Variants in GRIN2B observed in about 807,000 individuals in gnomAD.
GRIN2B encodes glutamate receptor ionotropic, NMDA 2B.
In GRIN2B, 5 loss-of-function variants were observed where a neutral mutation model predicts 114.5. That is an observed-to-expected ratio of 0.04 (90% CI 0.02 to 0.09). The LOEUF is 0.09. Ranked by LOEUF, GRIN2B falls within the 10% of genes least tolerant of loss-of-function variation. The pLI, the probability that GRIN2B is intolerant of heterozygous loss-of-function variation, is 1.00. For synonymous variants in GRIN2B, 787 were observed against 745.1 expected, an observed-to-expected ratio of 1.06 and a Z score of -0.92; for missense variants, 1,108 against 1,943.5, an observed-to-expected ratio of 0.57 and a Z score of 8.08.
chr12:13,944,588 C>A (rs947711580), intron 2 of GRIN2B, among the ~76,000 whole-genome samples: 1 of 152,180 alleles, frequency 6.6e-6, no homozygotes, highest in African/African-American at 2.4e-5. Flanking sequence ...TTTACATCTA[C>A]TTCCTCTAGT....
chr12:13,888,437 A>T (rs531429098), intron 2 of GRIN2B, among the ~76,000 whole-genome samples: 6 of 5,184 alleles, frequency 1.2e-3, no homozygotes, highest in African/African-American at 2.8e-3. Context: ...CATAAAAGAT[A>T]AAAAAAAAAA....
intron 3 of GRIN2B, among the ~76,000 whole-genome samples, chr12:13,798,815 A>G (rs144158440): frequency 1.8e-4 from 28 of 152,366 alleles, no homozygotes; most frequent in African/African-American, 3.4e-4. Context: ...TGGATCTTAG[A>G]ACATGTCCTC....
intron 3 of GRIN2B, among the ~76,000 whole-genome samples, chr12:13,782,108 T>C (rs1864125891): frequency 6.6e-6 from 1 of 152,212 alleles, no homozygotes; most frequent in Admixed American, 6.5e-5. Context: ...CTAGTGAGGT[T>C]GAACGTAAAA....
chr12:13,796,201 TAGA>T (rs1864416639), intron 3 of GRIN2B, among the ~76,000 whole-genome samples: 1 of 152,052 alleles, frequency 6.6e-6, no homozygotes, highest in Non-Finnish European at 1.5e-5. Context: ...AACGAAAATG[TAGA>T]AGGTTTTTGG....
At chr12:13,972,264 T>C (rs1862936034) in intron 2 of GRIN2B, among the ~76,000 whole-genome samples, 1 of 152,228 alleles carries the variant, frequency 6.6e-6, no homozygotes, top group African/African-American at 2.4e-5. Context: ...TTAAGCTCTG[T>C]GGATGATTTT....
intron 3 of GRIN2B, among the ~76,000 whole-genome samples, chr12:13,779,540 T>C (rs1864068660): frequency 6.6e-6 from 1 of 152,226 alleles, no homozygotes. Flanking sequence ...ATTTTAATAA[T>C]ACATTTCACT....
At chr12:13,802,211 A>G (rs1284789595) in intron 3 of GRIN2B, among the ~76,000 whole-genome samples, 1 of 152,182 alleles carries the variant, frequency 6.6e-6, no homozygotes, top group Non-Finnish European at 1.5e-5. Context: ...ATAACATACT[A>G]TTCACAAAGG....
At chr12:13,570,458 T>G (rs1806195) in intron 11 of GRIN2B, among the ~76,000 whole-genome samples, 78,238 of 152,052 alleles carry the variant, frequency 0.51, 20,942 homozygotes, top group East Asian at 0.98. Flanking sequence ...TTTCAATAGA[T>G]GTGCAATGCT....
chr12:13,933,716 A>T (rs1313770279), intron 2 of GRIN2B, among the ~76,000 whole-genome samples: 1 of 152,198 alleles, frequency 6.6e-6, no homozygotes, highest in Non-Finnish European at 1.5e-5. Flanking sequence ...CCATGGTGGA[A>T]CTAGATTGTA....
chr12:13,799,072 C>T (rs1395494348), intron 3 of GRIN2B, among the ~76,000 whole-genome samples: 4 of 152,158 alleles, frequency 2.6e-5, no homozygotes, highest in African/African-American at 4.8e-5. Context: ...CTTTCCTTCA[C>T]GAACAATTTC....
intron 8 of GRIN2B, among the ~76,000 whole-genome samples, chr12:13,613,430 C>T (rs560836488): frequency 6.6e-6 from 1 of 152,200 alleles, no homozygotes; most frequent in South Asian, 2.1e-4. Flanking sequence ...GAGGAGTAAA[C>T]TAGGACTGAG....
chr12:13,844,609 G>A (rs1036811927), intron 3 of GRIN2B, among the ~76,000 whole-genome samples: 1 of 152,096 alleles, frequency 6.6e-6, no homozygotes, highest in African/African-American at 2.4e-5. Context: ...CTCTTCTCTT[G>A]CAGCCATTAA....
intron 4 of GRIN2B, 48 bp from the exon 5 acceptor site, chr12:13,675,907 C>A (rs1276483723): frequency 9.3e-7 from 1 of 1,075,742 alleles, no homozygotes. Flanking sequence ...AGAGGGTATA[C>A]CATGAACAAG....
Position 13,567,202 on chromosome 12 carries a change from C to T in GRIN2B, c.2421G>A (p.Glu807=), listed in dbSNP as rs1434364019. 6.2e-7 allele frequency: 1 copy of T among 1,614,142 alleles called. No homozygotes were observed. Among genetic ancestry groups the T allele is most frequent in the South Asian group, 1.1e-5 (1 of 91,084 alleles). Residue 807 remains glutamate, a synonymous_variant, in exon 13 of 14, where the codon GAG becomes GAA. Coordinates refer to ENST00000609686, the MANE Select transcript of GRIN2B (RefSeq NM_000834.5). Reference sequence around the variant, plus strand: ...CAATGTCCAGCTGGCTGCTCATGACCTCATTCTTCTCATTGTGACAAATGC... The same window carrying T: ...CAATGTCCAGCTGGCTGCTCATGACTTCATTCTTCTCATTGTGACAAATGC... ...LTGICHNEKN[E]VMSSQLDIDN...
At chr12:13,629,520 A>C (rs1045914846) in intron 5 of GRIN2B, among the ~76,000 whole-genome samples, 1 of 152,058 alleles carries the variant, frequency 6.6e-6, no homozygotes, top group African/African-American at 2.4e-5. Context: ...TACCCTTCTC[A>C]AAGGCTGTCA....
chr12:13,891,609 C>T (rs1866263381), intron 2 of GRIN2B, among the ~76,000 whole-genome samples: 1 of 105,362 alleles, frequency 9.5e-6, no homozygotes, highest in African/African-American at 3.3e-5. Flanking sequence ...TGTGGCCACA[C>T]AACCTTTCTA....
At chr12:13,861,076 G>A (rs1053282368) in intron 3 of GRIN2B, among the ~76,000 whole-genome samples, 2 of 152,146 alleles carry the variant, frequency 1.3e-5, no homozygotes, top group Non-Finnish European at 2.9e-5. Flanking sequence ...GTATAGGGCA[G>A]AACACAAAAT....
intron 3 of GRIN2B, among the ~76,000 whole-genome samples, chr12:13,856,508 A>G (rs1865662980): frequency 6.6e-6 from 1 of 152,158 alleles, no homozygotes; most frequent in African/African-American, 2.4e-5. Flanking sequence ...GGAGCTACCT[A>G]CGAAGGTGGA....
At chr12:13,681,799 AC>A (rs1490993950) in intron 4 of GRIN2B, among the ~76,000 whole-genome samples, 1 of 152,170 alleles carries the variant, frequency 6.6e-6, no homozygotes, top group African/African-American at 2.4e-5. Flanking sequence ...TTATCACCTC[AC>A]ATTTCATCTG....
Sources: gnomAD v4.1 joint callset for allele counts (sites outside exome capture counted in the v4.1 genomes callset) on GRCh38, gnomAD v4.1.1 for gene constraint, MANE v1.5 for transcripts, NCBI Gene and HGNC (gene_info 2026-07-23, HGNC 2026-07-21) for gene names.